The following FEZ1 variants were observed in gnomAD, a reference collection of about 807,000 sequenced individuals.
FEZ1 encodes the protein fasciculation and elongation protein zeta-1.
FEZ1 carries 20 observed loss-of-function variants against 49.3 expected under a neutral mutation model. The observed-to-expected ratio is 0.41, with a 90% CI of 0.29 to 0.59. The LOEUF is 0.59. FEZ1 is among the 20% of genes least tolerant of loss of function. The pLI, the probability that FEZ1 is intolerant of heterozygous loss-of-function variation, is 0.36. For missense variants in FEZ1, 413 were observed against 476.0 expected (o/e 0.87, Z 1.23); for synonymous variants, 170 against 180.9 (o/e 0.94, Z 0.48).
chr11:125,484,380 G>A (rs1299260520), intron 2 of FEZ1, among the ~76,000 whole-genome samples: 7 of 152,202 alleles, frequency 4.6e-5, no homozygotes, highest in African/African-American at 1.7e-4. Flanking sequence ...CACGGCTACA[G>A]AGCCCATATT....
intron 6 of FEZ1, chr11:125,455,318 G>C (rs1956999316): frequency 6.5e-6 from 1 of 153,696 alleles, no homozygotes; most frequent in Admixed American, 6.4e-5. Flanking sequence ...TTGAGCCCAG[G>C]AGGCGGAGGT....
chr11:125,491,303 A>G (rs1957379545), intron 1 of FEZ1, among the ~76,000 whole-genome samples: 1 of 152,094 alleles, frequency 6.6e-6, no homozygotes. Context: ...ACTGTGATTT[A>G]TCCATCTGTG....
chr11:125,447,050 A>C lies in FEZ1; in HGVS notation c.1163-939T>G, dbSNP rs1054215989. On this transcript the variant is annotated intron_variant, in intron 9 of 9. Transcript: ENST00000278919. The stretch of plus-strand genomic sequence containing the variant: ...ACATAGTTTTGTGTGCATGCAGGAC[A>C]AAAAACAATAAAATAATAGATCTAG... Among the ~76,000 whole-genome samples, 3 of 151,608 alleles carry C rather than the reference A, an allele frequency of 2.0e-5. No homozygotes were observed. The South Asian group carries it at 6.2e-4, about 31-fold the overall frequency.
chr11:125,457,429 A>AAAAATATAT (rs1164500309), intron 5 of FEZ1, among the ~76,000 whole-genome samples: 14 of 20,906 alleles, frequency 6.7e-4, no homozygotes, highest in Admixed American at 1.1e-3. Flanking sequence ...AAAAAAAAAA[A>AAAAATATAT]ATATATATAT....
intron 4 of FEZ1, among the ~76,000 whole-genome samples, chr11:125,461,951 T>C (rs544197350): frequency 6.6e-6 from 1 of 152,390 alleles, no homozygotes; most frequent in South Asian, 2.1e-4. Flanking sequence ...CACAAGTCCC[T>C]GTCAGGGTCT....
In FEZ1 at chr11:125,452,409, A is replaced by G. The variant is rs1217066603; in HGVS notation, c.1021T>C (p.Tyr341His). The G allele has an allele frequency of 6.2e-6, 10 of 1,609,142 alleles. No homozygotes were observed. The highest frequency in any genetic ancestry group is 1.7e-5 in the Admixed American group (1 of 59,990). ...TCGTAAGGAATGACTGTGTTCAGAT[A>G]CTGCAAGACAAACAGCATGCAGGGG... The part of the protein sequence containing the change: ...TFGSSGTDKQ[Y>H]LNTVIPYEKK... Residue 341 changes from tyrosine (Y) to histidine (H), a missense_variant and splice_region_variant, in exon 8 of 10, where the codon TAT (tyrosine) becomes CAT (histidine). Coordinates refer to ENST00000278919, the MANE Select transcript of FEZ1 (RefSeq NM_005103.5).
At chr11:125,446,849 T>C (rs1956903907) in intron 9 of FEZ1, among the ~76,000 whole-genome samples, 1 of 152,126 alleles carries the variant, frequency 6.6e-6, no homozygotes, top group Non-Finnish European at 1.5e-5. Context: ...GGCTGATTTT[T>C]TTTTTAATTG....
intron 6 of FEZ1, 98 bp downstream of exon 6, chr11:125,455,737 G>T: frequency 7.8e-7 from 1 of 1,277,938 alleles, no homozygotes; most frequent in South Asian, 1.2e-5. Context: ...CCACTGCTCG[G>T]TAAACGTTGA....
At chr11:125,448,910 C>T (rs1016113172) in intron 8 of FEZ1, among the ~76,000 whole-genome samples, 2 of 152,002 alleles carry the variant, frequency 1.3e-5, no homozygotes, top group Admixed American at 6.6e-5. Flanking sequence ...TGGTGGCACA[C>T]GCCTGTAGTC....
intron 2 of FEZ1, chr11:125,488,812 C>T (rs1240769317): frequency 1.0e-6 from 1 of 984,368 alleles, no homozygotes; most frequent in Non-Finnish European, 1.2e-6. Flanking sequence ...TCTTTCTAGT[C>T]CCTCCTGAAA....
rs1957279226 is a variant in FEZ1 at position 125,481,542 on chromosome 11, C to T, written c.403G>A (p.Asp135Asn). The T allele has an allele frequency of 1.2e-6, 2 of 1,605,882 alleles. No individual in the cohort carries two copies. The highest frequency in any genetic ancestry group is 1.3e-5 in the African/African-American group (1 of 74,730). ...NIEALNGNCS[D>N]TEIHEKEEEE... ...GGGCCCCGGAGAGGTACCTCAGTGT[C>T]AGAGCAGTTGCCATTCAGAGCCTCG... Residue 135 changes from aspartate to asparagine, a missense_variant, in exon 3 of 10, where the codon GAC becomes AAC. Coordinates refer to ENST00000278919, the MANE Select transcript of FEZ1 (RefSeq NM_005103.5).
chr11:125,476,619 A>C (rs1458806126), intron 3 of FEZ1, among the ~76,000 whole-genome samples: 1 of 152,138 alleles, frequency 6.6e-6, no homozygotes, highest in Non-Finnish European at 1.5e-5. Context: ...AGAACATCCT[A>C]AAAGCTTCCA....
At chr11:125,496,086 C>G (rs1390945685) in intron 1 of FEZ1, 35 bp downstream of exon 1, 1 of 154,738 alleles carries the variant, frequency 6.5e-6, no homozygotes, top group Non-Finnish European at 1.4e-5. Context: ...AGCAGTGAGT[C>G]GGGTCCTAAC....
At chr11:125,473,037 A>C (rs1957196629) in intron 3 of FEZ1, among the ~76,000 whole-genome samples, 1 of 152,148 alleles carries the variant, frequency 6.6e-6, no homozygotes, top group Non-Finnish European at 1.5e-5. Context: ...AAAATAACTA[A>C]AACAAATTTG....
chr11:125,481,756 TC>T, intron 2 of FEZ1, 123 bp from the exon 3 acceptor site: 1 of 742,150 alleles, frequency 1.3e-6, no homozygotes, highest in South Asian at 1.5e-5. Context: ...TCATCTGCCT[TC>T]CAGCATGCAG....
intron 5 of FEZ1, among the ~76,000 whole-genome samples, chr11:125,458,402 G>A (rs1451759448): frequency 2.0e-5 from 3 of 152,274 alleles, no homozygotes; most frequent in East Asian, 3.9e-4. Context: ...CGTTTCTTGT[G>A]CACAGTCATA....
chr11:125,493,492 A>AAGAG (rs1165946261), intron 1 of FEZ1, among the ~76,000 whole-genome samples: 4 of 99,858 alleles, frequency 4.0e-5, no homozygotes, highest in Admixed American at 9.7e-5. Context: ...GAAAGAAGGA[A>AAGAG]AGAAAGAAAG....
At chr11:125,464,996 G>C (rs1313524159) in intron 3 of FEZ1, among the ~76,000 whole-genome samples, 1 of 152,178 alleles carries the variant, frequency 6.6e-6, no homozygotes, top group Admixed American at 6.6e-5. Context: ...CTTTCTTCAG[G>C]CCAGAAAATC....
chr11:125,446,702 G>T (rs1376347705), intron 9 of FEZ1, among the ~76,000 whole-genome samples: 2 of 152,014 alleles, frequency 1.3e-5, no homozygotes, highest in Non-Finnish European at 2.9e-5. Flanking sequence ...TTTTGAGACA[G>T]GGTCTTGCTG....
Sources: allele counts gnomAD v4.1 joint callset (sites outside exome capture counted in the v4.1 genomes callset), GRCh38; gene constraint gnomAD v4.1.1; transcripts MANE v1.5; gene names NCBI Gene and HGNC (gene_info 2026-07-23, HGNC 2026-07-21).